The following TENM4 variants were observed in gnomAD, a reference collection of about 807,000 sequenced individuals.
TENM4 encodes the protein teneurin transmembrane protein 4, also known as teneurin-4.
In TENM4, 82 loss-of-function variants were observed where a neutral mutation model predicts 243.3. The ratio of observed to expected loss-of-function variants is 0.34; its 90% CI spans 0.28 to 0.40. The LOEUF is 0.40. Ranked by LOEUF, TENM4 falls within the 10% of genes least tolerant of loss-of-function variation. TENM4 has a pLI of 1.00. For missense variants in TENM4, 3,138 were observed against 3,673.3 expected (o/e 0.85, Z 3.77); for synonymous variants, 1,412 against 1,456.3 (o/e 0.97, Z 0.69).
At position 79,416,222 on chromosome 11, in the gene TENM4, C is replaced by A. The variant is rs553992920; in HGVS notation, c.-321+24287G>T. Among the ~76,000 whole-genome samples the A allele has an allele frequency of 2.0e-5, 3 of 152,278 alleles. No individual in the cohort carries two copies. In the South Asian group the frequency reaches 6.2e-4, roughly 32 times the overall value. ...AACATTCTTGTACAGGTCTTTGTAT[C>A]TCAATACGCTTTCACTTCCCTGGGG... On this transcript the variant is annotated intron_variant, in intron 1 of 33. Transcript: ENST00000278550.
chr11:78,738,170 T>C (rs1232471957), intron 20 of TENM4, among the ~76,000 whole-genome samples: 1 of 152,248 alleles, frequency 6.6e-6, no homozygotes, highest in African/African-American at 2.4e-5. Flanking sequence ...TTCGCATGAC[T>C]GTTTTATATC....
chr11:78,739,194 C>T (rs1357292300), intron 19 of TENM4, among the ~76,000 whole-genome samples: 1 of 152,166 alleles, frequency 6.6e-6, no homozygotes, highest in Admixed American at 6.5e-5. Context: ...TATCCCTCCT[C>T]CCACTCTTAC....
At chr11:79,357,027 G>T (rs1857508409) in intron 1 of TENM4, among the ~76,000 whole-genome samples, 1 of 152,142 alleles carries the variant, frequency 6.6e-6, no homozygotes, top group African/African-American at 2.4e-5. Flanking sequence ...AGAAAAATCT[G>T]TCCCAGGCCA....
At chr11:78,826,461 A>C (rs1857854290) in intron 12 of TENM4, among the ~76,000 whole-genome samples, 1 of 152,164 alleles carries the variant, frequency 6.6e-6, no homozygotes, top group Admixed American at 6.5e-5. Context: ...CTAGAGACTT[A>C]CAGGTAAAAA....
chr11:79,118,317 G>A (rs1283841877), intron 4 of TENM4, among the ~76,000 whole-genome samples: 1 of 152,170 alleles, frequency 6.6e-6, no homozygotes, highest in East Asian at 1.9e-4. Flanking sequence ...GCTCTTTAGA[G>A]ATGACATTTT....
intron 6 of TENM4, among the ~76,000 whole-genome samples, chr11:79,015,635 A>T (rs919404640): frequency 6.6e-6 from 1 of 152,186 alleles, no homozygotes; most frequent in Non-Finnish European, 1.5e-5. Context: ...GAAGAACCAG[A>T]GAAAGGCGAA....
At chr11:78,804,452 G>C (rs920610607) in intron 15 of TENM4, among the ~76,000 whole-genome samples, 3 of 152,088 alleles carry the variant, frequency 2.0e-5, no homozygotes, top group African/African-American at 7.2e-5. Flanking sequence ...TTTCTTGTAG[G>C]GTTTTTGTGC....
intron 11 of TENM4, among the ~76,000 whole-genome samples, chr11:78,854,740 G>A (rs1346161370): frequency 6.6e-6 from 1 of 152,148 alleles, no homozygotes; most frequent in Admixed American, 6.5e-5. Context: ...AGCAGAGGCG[G>A]GTGGCTGGGA....
At chr11:78,792,553 C>T (rs895061732) in intron 15 of TENM4, among the ~76,000 whole-genome samples, 3 of 152,154 alleles carry the variant, frequency 2.0e-5, no homozygotes, top group East Asian at 1.9e-4. Context: ...CTGCCTCACC[C>T]GTGCACTGTC....
intron 6 of TENM4, among the ~76,000 whole-genome samples, chr11:79,018,903 A>G (rs1858849012): frequency 6.6e-6 from 1 of 152,218 alleles, no homozygotes; most frequent in Non-Finnish European, 1.5e-5. Flanking sequence ...ACAGAGGGGA[A>G]AGCTGAGGAC....
intron 2 of TENM4, among the ~76,000 whole-genome samples, chr11:79,258,577 G>T (rs1281290853): frequency 6.6e-6 from 1 of 152,208 alleles, no homozygotes; most frequent in African/African-American, 2.4e-5. Context: ...CCAAATGTGA[G>T]AAGTTTCCTG....
At chr11:79,212,915 G>C (rs1863980642) in intron 3 of TENM4, among the ~76,000 whole-genome samples, 1 of 152,206 alleles carries the variant, frequency 6.6e-6, no homozygotes, top group Admixed American at 6.5e-5. Flanking sequence ...GAGGAGGAAA[G>C]GGGCCTCTGG....
rs187061363 is a variant in TENM4, at chr11:78,936,538, G to A, written c.494-33015C>T. On this transcript the variant is annotated intron_variant, in intron 6 of 33. Transcript: ENST00000278550. ...AGTATAATGCTAATCACTGGAAAAG[G>A]GGCCATCAGAAAGAGTATTTACCAA... 1.7e-4 allele frequency among the ~76,000 whole-genome samples: 26 copies of A among 152,248 alleles called. 1 individual carries two copies. The highest frequency in any genetic ancestry group is 1.6e-3 in the Admixed American group (24 of 15,302).
At chr11:78,719,057 C>CATT (rs1335777717) in intron 25 of TENM4, among the ~76,000 whole-genome samples, 5 of 152,056 alleles carry the variant, frequency 3.3e-5, no homozygotes, top group African/African-American at 1.2e-4. Flanking sequence ...AGGATGTTAT[C>CATT]ATTATTATTA....
At chr11:79,128,966 T>C (rs1037366427) in intron 4 of TENM4, among the ~76,000 whole-genome samples, 1 of 152,084 alleles carries the variant, frequency 6.6e-6, no homozygotes, top group African/African-American at 2.4e-5. Context: ...AAACCAGCAA[T>C]CCTGAGAGGA....
At chr11:79,345,399 T>A (rs1056427556) in intron 1 of TENM4, among the ~76,000 whole-genome samples, 5 of 152,238 alleles carry the variant, frequency 3.3e-5, no homozygotes, top group Admixed American at 3.3e-4. Flanking sequence ...ACTAGTGTCA[T>A]TAAATTCCAT....
At position 79,069,856 on chromosome 11, in the gene TENM4, T is replaced by A; in HGVS notation, c.89A>T (p.Glu30Val). Residue 30 changes from glutamate to valine, a missense_variant, in exon 5 of 34, where the codon GAG (glutamate) becomes GTG (valine). This residue lies in a region of TENM4 where 671 missense variants were observed against 614.1 expected (regional missense o/e 1.09). Transcript: ENST00000278550. Reference sequence around the variant, plus strand: ...CGATTTCTGCGGGGCTTTGCCCTCCTCGCTGTCCGCGGACGAGCTGGTGTA... The same window carrying A: ...CGATTTCTGCGGGGCTTTGCCCTCCACGCTGTCCGCGGACGAGCTGGTGTA... ...RRYTSSSADSEEGKAPQKSYS... is the reference protein window; with the variant it reads ...RRYTSSSADSVEGKAPQKSYS... 1 of 1,550,456 alleles carries A rather than the reference T, an allele frequency of 6.4e-7. No individual in the cohort carries two copies. Among genetic ancestry groups the A allele is most frequent in the Non-Finnish European group, 8.7e-7 (1 of 1,146,878 alleles).
intron 1 of TENM4, among the ~76,000 whole-genome samples, chr11:79,427,837 A>G (rs1175213113): frequency 6.6e-6 from 1 of 152,206 alleles, no homozygotes; most frequent in Non-Finnish European, 1.5e-5. Context: ...AGAAGCCTGG[A>G]GAGTATAACA....
At chr11:79,054,151 ATAGT>A (rs1215405535) in intron 6 of TENM4, among the ~76,000 whole-genome samples, 1 of 152,130 alleles carries the variant, frequency 6.6e-6, no homozygotes, top group African/African-American at 2.4e-5. Flanking sequence ...CCCACAGCCC[ATAGT>A]TACTCTACGG....
Sources: gnomAD v4.1 joint callset for allele counts (sites outside exome capture counted in the v4.1 genomes callset) on GRCh38, gnomAD v4.1.1 for gene constraint, gnomAD v4.1.1 regional missense constraint, MANE v1.5 for transcripts, NCBI Gene and HGNC (gene_info 2026-07-23, HGNC 2026-07-21) for gene names.